LRRC4C: variants seen among roughly 807,000 people sequenced by gnomAD.
The protein encoded by LRRC4C is leucine rich repeat containing 4C, also known as leucine-rich repeat-containing protein 4C.
In LRRC4C, 5 loss-of-function variants were observed where a neutral mutation model predicts 33.6. The observed-to-expected ratio is 0.15, with a 90% CI of 0.08 to 0.31. The LOEUF is 0.31. Ranked by LOEUF, LRRC4C falls within the 10% of genes least tolerant of loss-of-function variation. The probability of loss-of-function intolerance (pLI) is 1.00; values close to 1 mark genes in which losing one functional copy is unlikely to be tolerated. For synonymous variants in LRRC4C, 329 were observed against 302.0 expected (o/e 1.09, Z -0.93); for missense variants, 560 against 796.7 (o/e 0.70, Z 3.58).
chr11:40,233,416 T>C (rs1289961789), intron 5 of LRRC4C, among the ~76,000 whole-genome samples: 1 of 152,220 alleles, frequency 6.6e-6, no homozygotes, highest in East Asian at 1.9e-4. Context: ...CAAAACAATA[T>C]ATGCTCTCTT....
intron 3 of LRRC4C, among the ~76,000 whole-genome samples, chr11:40,377,399 A>G (rs557939716): frequency 5.5e-4 from 83 of 152,158 alleles, no homozygotes; most frequent in Non-Finnish European, 8.1e-4. Context: ...TTAATTTGTC[A>G]TCAACAATAT....
intron 1 of LRRC4C, among the ~76,000 whole-genome samples, chr11:41,075,716 G>T (rs913427094): frequency 3.9e-5 from 6 of 152,202 alleles, no homozygotes; most frequent in South Asian, 4.1e-4. Flanking sequence ...TTCGTCCAAA[G>T]AGTTATCTAT....
At chr11:40,536,978 C>A (rs1956500506) in intron 3 of LRRC4C, among the ~76,000 whole-genome samples, 2 of 152,132 alleles carry the variant, frequency 1.3e-5, no homozygotes, top group African/African-American at 4.8e-5. Flanking sequence ...TTGTTCACTG[C>A]TCTAACATCA....
At chr11:40,976,753 A>T (rs891709324) in intron 1 of LRRC4C, among the ~76,000 whole-genome samples, 2 of 152,060 alleles carry the variant, frequency 1.3e-5, no homozygotes, top group Non-Finnish European at 2.9e-5. Context: ...TGATTGAATG[A>T]CTGTAAGAGA....
intron 3 of LRRC4C, among the ~76,000 whole-genome samples, chr11:40,341,943 T>C (rs1392320591): frequency 6.6e-6 from 1 of 151,664 alleles, no homozygotes; most frequent in East Asian, 1.9e-4. Flanking sequence ...TTGTAAATCA[T>C]AGCTCAGTGC....
chr11:40,996,912 C>T (rs1854017516), intron 1 of LRRC4C, among the ~76,000 whole-genome samples: 1 of 152,092 alleles, frequency 6.6e-6, no homozygotes, highest in Admixed American at 6.6e-5. Flanking sequence ...CAAACATATG[C>T]TACTAGGCCC....
intron 2 of LRRC4C, among the ~76,000 whole-genome samples, chr11:40,861,793 TC>T (rs1370981626): frequency 6.6e-6 from 1 of 152,162 alleles, no homozygotes; most frequent in African/African-American, 2.4e-5. Context: ...TCAGGAAGTT[TC>T]CAGTCATGGT....
intron 1 of LRRC4C, among the ~76,000 whole-genome samples, chr11:41,092,272 G>T (rs1396249695): frequency 6.6e-6 from 1 of 152,032 alleles, no homozygotes; most frequent in Non-Finnish European, 1.5e-5. Flanking sequence ...AGGCATTAAA[G>T]AAAAATAAGT....
intron 5 of LRRC4C, among the ~76,000 whole-genome samples, chr11:40,170,800 C>G (rs901052455): frequency 2.8e-4 from 43 of 152,160 alleles, no homozygotes; most frequent in African/African-American, 1.0e-3. Context: ...AACACATGAG[C>G]AAGAAATAAA....
rs569700692 is a variant in LRRC4C, at chr11:40,881,012, C to T, written c.-407+52623G>A. On this transcript the variant is annotated intron_variant, in intron 2 of 6. Transcript: ENST00000528697. ...GGCCAGAGAATAAGCAACATTCTTG[C>T]TTATTGCATTATGAGAGTCTGAATT... 1.3e-4 allele frequency among the ~76,000 whole-genome samples: 19 copies of T among 151,924 alleles called. No individual in the cohort carries two copies. In the South Asian group the frequency reaches 3.7e-3, roughly 30 times the overall value.
At chr11:40,680,130 C>A (rs61886820) in intron 2 of LRRC4C, among the ~76,000 whole-genome samples, 58,170 of 152,088 alleles carry the variant, frequency 0.38, 13,476 homozygotes, top group East Asian at 0.57. Context: ...GACTGTCCTG[C>A]TGGATAATCG....
intron 1 of LRRC4C, among the ~76,000 whole-genome samples, chr11:41,259,135 A>G (rs543948674): frequency 6.6e-6 from 1 of 152,072 alleles, no homozygotes; most frequent in Admixed American, 6.6e-5. Flanking sequence ...GGGCAGTGAG[A>G]GTTTATTTGA....
intron 3 of LRRC4C, chr11:40,351,473 A>G (rs1399423900): frequency 1.3e-5 from 2 of 152,016 alleles, no homozygotes; most frequent in African/African-American, 4.8e-5. Context: ...TGTCTGGACG[A>G]TCTGTCCAAT....
In LRRC4C at chr11:40,594,828, A is replaced by G. The variant is rs146702962; in HGVS notation, c.-270+53314T>C. 5.7e-3 allele frequency among the ~76,000 whole-genome samples: 869 copies of G among 152,282 alleles called. 13 individuals are homozygous for G. Among genetic ancestry groups the G allele is most frequent in the African/African-American group, 0.02 (846 of 41,572 alleles). On this transcript the variant is annotated intron_variant, in intron 3 of 6. Transcript: ENST00000528697. Reference sequence around the variant, plus strand: ...TTTCAATATTAGTTTATGTTTTTGTAGAAATATTAAAAAATAAGTAAACAA... The same window carrying G: ...TTTCAATATTAGTTTATGTTTTTGTGGAAATATTAAAAAATAAGTAAACAA...
At chr11:41,114,807 A>G (rs1409307703) in intron 1 of LRRC4C, among the ~76,000 whole-genome samples, 1 of 152,142 alleles carries the variant, frequency 6.6e-6, no homozygotes, top group Non-Finnish European at 1.5e-5. Flanking sequence ...AAAGTAGTAA[A>G]TGATTCAAGG....
intron 2 of LRRC4C, among the ~76,000 whole-genome samples, chr11:40,861,361 C>T (rs1015218652): frequency 1.3e-5 from 2 of 152,096 alleles, no homozygotes; most frequent in African/African-American, 4.8e-5. Context: ...TGGAAGGAGA[C>T]CCCTTGATAA....
chr11:40,210,482 TAA>T (rs1863513461), intron 5 of LRRC4C, among the ~76,000 whole-genome samples: 1 of 152,188 alleles, frequency 6.6e-6, no homozygotes, highest in Non-Finnish European at 1.5e-5. Context: ...AAATGAACAG[TAA>T]AAGAGTGTTC....
chr11:40,739,459 T>G (rs764403613), intron 2 of LRRC4C, among the ~76,000 whole-genome samples: 1 of 150,664 alleles, frequency 6.6e-6, no homozygotes, highest in Non-Finnish European at 1.5e-5. Flanking sequence ...ATCTCACACA[T>G]ATATAAAAAT....
At chr11:41,169,037 T>A (rs1944854226) in intron 1 of LRRC4C, among the ~76,000 whole-genome samples, 1 of 152,210 alleles carries the variant, frequency 6.6e-6, no homozygotes, top group East Asian at 1.9e-4. Flanking sequence ...TCTGAGATTT[T>A]AACTAACTTT....
Sources: allele counts gnomAD v4.1 joint callset (sites outside exome capture counted in the v4.1 genomes callset), GRCh38; gene constraint gnomAD v4.1.1; transcripts MANE v1.5; gene names NCBI Gene and HGNC (gene_info 2026-07-23, HGNC 2026-07-21).